Variants in EIPR1 observed in about 807,000 individuals in gnomAD.
The protein encoded by EIPR1 is EARP and GARP complex-interacting protein 1.
In EIPR1, 25 loss-of-function variants were observed where a neutral mutation model predicts 48.1. The observed-to-expected ratio is 0.52, with a 90% CI of 0.38 to 0.73. The LOEUF is 0.73. EIPR1 is among the 30% of genes least tolerant of loss of function. EIPR1 has a pLI of 0.00. For missense variants in EIPR1, 415 were observed against 506.2 expected (o/e 0.82, Z 1.73); for synonymous variants, 204 against 201.9 (o/e 1.01, Z -0.09).
chr2:3,321,117 G>A (rs953455767), intron 3 of EIPR1, among the ~76,000 whole-genome samples: 5 of 152,148 alleles, frequency 3.3e-5, no homozygotes, highest in Admixed American at 1.3e-4. Flanking sequence ...GCAGCCTCCC[G>A]GCCCAGGGAG....
At chr2:3,336,336 G>C (rs192934562) in intron 3 of EIPR1, among the ~76,000 whole-genome samples, 107 of 152,314 alleles carry the variant, frequency 7.0e-4, no homozygotes, top group Non-Finnish European at 1.2e-3. Context: ...ACAGAGAGCA[G>C]ACAAAACACA....
chr2:3,266,857 G>C (rs1001608619), intron 3 of EIPR1, among the ~76,000 whole-genome samples: 6 of 152,234 alleles, frequency 3.9e-5, no homozygotes, highest in Non-Finnish European at 7.3e-5. Flanking sequence ...AAAGGCTCAG[G>C]ACAGACAGAA....
intron 3 of EIPR1, among the ~76,000 whole-genome samples, chr2:3,293,733 G>C (rs1176068758): frequency 6.6e-6 from 1 of 152,188 alleles, no homozygotes; most frequent in Non-Finnish European, 1.5e-5. Context: ...ATATGCTGCA[G>C]GTGAGACCCA....
At chr2:3,340,071 A>C (rs955354998) in intron 2 of EIPR1, among the ~76,000 whole-genome samples, 1 of 152,242 alleles carries the variant, frequency 6.6e-6, no homozygotes, top group Non-Finnish European at 1.5e-5. Flanking sequence ...GCCTCTCCAG[A>C]AGCAGATGCT....
At chr2:3,327,050 G>A (rs1441487395) in intron 3 of EIPR1, among the ~76,000 whole-genome samples, 2 of 152,352 alleles carry the variant, frequency 1.3e-5, no homozygotes, top group East Asian at 1.9e-4. Context: ...GTCAGCAGGC[G>A]AGACAGGAAA....
chr2:3,220,770 T>G (rs1665858964), intron 4 of EIPR1, among the ~76,000 whole-genome samples: 1 of 149,406 alleles, frequency 6.7e-6, no homozygotes, highest in Non-Finnish European at 1.5e-5. Flanking sequence ...AGGTACACTC[T>G]AGAACATTCA....
intron 3 of EIPR1, among the ~76,000 whole-genome samples, chr2:3,269,725 A>ACACTCAATCATCG (rs1279633406): frequency 2.0e-5 from 3 of 149,814 alleles, no homozygotes; most frequent in Admixed American, 1.3e-4. Context: ...CTCAATCATC[A>ACACTCAATCATCG]CACTCAATCA....
At chr2:3,343,278 C>CCA (rs1257444416) in intron 2 of EIPR1, among the ~76,000 whole-genome samples, 2 of 152,208 alleles carry the variant, frequency 1.3e-5, no homozygotes, top group Non-Finnish European at 2.9e-5. Flanking sequence ...TCTCAGGGCA[C>CCA]CACCCTACAC....
In EIPR1 at chr2:3,203,490, G is replaced by A. The variant is rs368473839; in HGVS notation, c.517-6473C>T. Among the ~76,000 whole-genome samples the A allele has an allele frequency of 1.8e-4, 28 of 152,362 alleles. No individual in the cohort carries two copies. In the South Asian group the frequency reaches 2.9e-3, roughly 16 times the overall value. On this transcript the variant is annotated intron_variant, in intron 5 of 8. Coordinates refer to ENST00000382125, the MANE Select transcript of EIPR1 (RefSeq NM_003310.5). ...ACAAAACAGACCAGGCCAGGAGGCC[G>A]GGACAGCACAGCACTGAGTCGGACA...
chr2:3,240,727 C>T, intron 4 of EIPR1, among the ~76,000 whole-genome samples: 1 of 139,700 alleles, frequency 7.2e-6, no homozygotes, highest in Admixed American at 7.1e-5. Context: ...AAAGCAAAGC[C>T]AGCAGATCCC....
Position 3,189,385 on chromosome 2 carries a change from C to T in EIPR1, c.1113G>A (p.Arg371=). The stretch of plus-strand genomic sequence containing the variant: ...CCCTGGGCACCCTGTTGATCACGAG[C>T]CTCCCGTCATAGCTCAGGGAGGCAA... The part of the protein sequence containing the change: ...WLFASLSYDG[R]LVINRVPRAL... Residue 371 remains arginine (R), a synonymous_variant, in exon 9 of 9, where the codon AGG becomes AGA. Coordinates refer to ENST00000382125, the MANE Select transcript of EIPR1 (RefSeq NM_003310.5). The surrounding 1 kb of genome is among the most constrained non-coding windows in gnomAD (Gnocchi z 4.6). 1 of 1,602,922 alleles carries T rather than the reference C, an allele frequency of 6.2e-7. No individual in the cohort carries two copies. Among genetic ancestry groups the T allele is most frequent in the Non-Finnish European group, 8.5e-7 (1 of 1,173,618 alleles).
At chr2:3,242,027 G>A (rs554241914) in intron 4 of EIPR1, among the ~76,000 whole-genome samples, 8 of 152,282 alleles carry the variant, frequency 5.3e-5, no homozygotes, top group Non-Finnish European at 1.0e-4. Context: ...TAGCCCCGCC[G>A]TCATGTAGGA....
intron 4 of EIPR1, among the ~76,000 whole-genome samples, chr2:3,238,691 C>A (rs6548140): frequency 2.0e-5 from 3 of 152,300 alleles, no homozygotes; most frequent in Non-Finnish European, 4.4e-5. Flanking sequence ...GCCTTTGAAC[C>A]TTCGCCGTTC....
chr2:3,226,212 GTTT>G (rs1666060080), intron 4 of EIPR1, among the ~76,000 whole-genome samples: 1 of 152,164 alleles, frequency 6.6e-6, no homozygotes, highest in African/African-American at 2.4e-5. Context: ...CCTCCAAACT[GTTT>G]TCCATTATGT....
chr2:3,201,027 G>C (rs1295826971), intron 5 of EIPR1, among the ~76,000 whole-genome samples: 2 of 152,178 alleles, frequency 1.3e-5, no homozygotes, highest in Admixed American at 1.3e-4. Flanking sequence ...TGAACCTGAG[G>C]AGCCTGGGGT....
chr2:3,304,698 C>CTCCCGTCCAATTCAGCCCTTCAG, intron 3 of EIPR1, among the ~76,000 whole-genome samples: 1 of 146,666 alleles, frequency 6.8e-6, no homozygotes, highest in Non-Finnish European at 1.5e-5. Flanking sequence ...CAACCCTCCA[C>CTCCCGTCCAATTCAGCCCTTCAG]TCCCGTCCAA....
intron 3 of EIPR1, among the ~76,000 whole-genome samples, chr2:3,322,638 T>C (rs1165420480): frequency 6.6e-6 from 1 of 152,196 alleles, no homozygotes; most frequent in Non-Finnish European, 1.5e-5. Context: ...AGCCTTGGGA[T>C]GAATTCCATT....
chr2:3,321,163 G>GGA (rs1332206678), intron 3 of EIPR1, among the ~76,000 whole-genome samples: 1 of 152,102 alleles, frequency 6.6e-6, no homozygotes, highest in East Asian at 1.9e-4. Flanking sequence ...ACAGCTCCCT[G>GGA]GAGATCATGT....
At chr2:3,266,916 C>A (rs1449011145) in intron 3 of EIPR1, among the ~76,000 whole-genome samples, 1 of 152,254 alleles carries the variant, frequency 6.6e-6, no homozygotes. Flanking sequence ...CTCGGCTCTT[C>A]ACCTAAGCCA....
Sources: allele counts gnomAD v4.1 joint callset (sites outside exome capture counted in the v4.1 genomes callset), GRCh38; gene constraint gnomAD v4.1.1; non-coding constraint Gnocchi (gnomAD v3.1); transcripts MANE v1.5; gene names NCBI Gene and HGNC (gene_info 2026-07-23, HGNC 2026-07-21).